MTA3: variants seen among roughly 807,000 people sequenced by gnomAD.
MTA3 encodes metastasis associated 1 family member 3.
In MTA3, 34 loss-of-function variants were observed where a neutral mutation model predicts 83.5. The ratio of observed to expected loss-of-function variants is 0.41; its 90% CI spans 0.31 to 0.54. The LOEUF is 0.54. Ranked by LOEUF, MTA3 falls within the 20% of genes least tolerant of loss-of-function variation. MTA3 has a pLI of 0.33. For missense variants in MTA3, 761 were observed against 726.4 expected (o/e 1.05, Z -0.55); for synonymous variants, 303 against 252.7 (o/e 1.20, Z -1.89).
intron 14 of MTA3, among the ~76,000 whole-genome samples, chr2:42,711,437 C>T (rs931669495): frequency 2.0e-5 from 3 of 152,060 alleles, no homozygotes; most frequent in Admixed American, 1.3e-4. Flanking sequence ...AAAGAGCAGT[C>T]GTCTATCTGG....
At chr2:42,656,987 A>G (rs1164058835) in intron 7 of MTA3, among the ~76,000 whole-genome samples, 1 of 152,230 alleles carries the variant, frequency 6.6e-6, no homozygotes, top group Non-Finnish European at 1.5e-5. Flanking sequence ...ATTTATGTGT[A>G]TACAGAGTAA....
At chr2:42,649,723 CTG>C (rs994433654) in intron 6 of MTA3, among the ~76,000 whole-genome samples, 6 of 152,158 alleles carry the variant, frequency 3.9e-5, no homozygotes, top group African/African-American at 1.2e-4. Flanking sequence ...GCACTTTCCA[CTG>C]TGTTACAACT....
chr2:42,639,679 T>A (rs1687526546), intron 4 of MTA3, among the ~76,000 whole-genome samples: 2 of 152,244 alleles, frequency 1.3e-5, no homozygotes, highest in Admixed American at 6.5e-5. Flanking sequence ...GATGAATTAG[T>A]TATATCCTGA....
In MTA3 at chr2:42,708,983, A is replaced by G. The variant is rs750363210; in HGVS notation, c.1412A>G (p.His471Arg). 1.2e-5 allele frequency: 20 copies of G among 1,613,914 alleles called. No individual in the cohort carries two copies. Among genetic ancestry groups the G allele is most frequent in the South Asian group, 9.9e-5 (9 of 91,094 alleles). The change falls in exon 14 of 17, where the codon CAT (histidine) becomes CGT (arginine). Residue 471 changes from histidine (H) to arginine (R), a missense_variant. Coordinates refer to ENST00000405094, the MANE Select transcript of MTA3 (RefSeq NM_001330442.2). Reference protein sequence around the residue: ...AVKTRQAFFLHTTYFTKFARQ... With the variant: ...AVKTRQAFFLRTTYFTKFARQ... Reference sequence around the variant, plus strand: ...AAGACCCGCCAAGCTTTCTTCCTTCATACTACATATTTCACAAAATTTGCT... The same window carrying G: ...AAGACCCGCCAAGCTTTCTTCCTTCGTACTACATATTTCACAAAATTTGCT...
chr2:42,558,912 T>G (rs77425666), intron 2 of MTA3, among the ~76,000 whole-genome samples: 2,674 of 152,020 alleles, frequency 0.018, 81 homozygotes, highest in African/African-American at 0.062. Context: ...CAGGATTTCT[T>G]GGGGTGGAGC....
intron 2 of MTA3, among the ~76,000 whole-genome samples, chr2:42,542,376 A>G (rs1676559251): frequency 6.6e-6 from 1 of 152,188 alleles, no homozygotes; most frequent in Non-Finnish European, 1.5e-5. Flanking sequence ...TATGTGAAGA[A>G]AAGACTGGTA....
chr2:42,577,287 G>T (rs1679165715), intron 2 of MTA3, among the ~76,000 whole-genome samples: 1 of 151,598 alleles, frequency 6.6e-6, no homozygotes, highest in African/African-American at 2.4e-5. Context: ...TTGTAGAGGG[G>T]AAGAGGAATA....
intron 2 of MTA3, among the ~76,000 whole-genome samples, chr2:42,533,661 G>A (rs1230198633): frequency 4.0e-5 from 6 of 149,436 alleles, no homozygotes; most frequent in East Asian, 2.0e-4. Flanking sequence ...GTGAAACCCC[G>A]TCTCTACTAA....
chr2:42,614,797 A>G (rs1447067134), intron 4 of MTA3, among the ~76,000 whole-genome samples: 1 of 151,982 alleles, frequency 6.6e-6, no homozygotes, highest in Non-Finnish European at 1.5e-5. Flanking sequence ...CAACATTGGG[A>G]CACCCTGTCT....
chr2:42,562,814 T>A (rs1244044752), intron 2 of MTA3, among the ~76,000 whole-genome samples: 3 of 152,120 alleles, frequency 2.0e-5, no homozygotes, highest in African/African-American at 7.2e-5. Context: ...GGCCTTTTCA[T>A]CCAACTGTTT....
At chr2:42,616,867 G>A (rs541524712) in intron 4 of MTA3, among the ~76,000 whole-genome samples, 1 of 152,230 alleles carries the variant, frequency 6.6e-6, no homozygotes, top group South Asian at 2.1e-4. Flanking sequence ...TTACAGGCGT[G>A]AGCCATCGTG....
intron 8 of MTA3, among the ~76,000 whole-genome samples, chr2:42,680,588 C>T (rs992152310): frequency 2.0e-5 from 3 of 152,088 alleles, no homozygotes. Context: ...TTTGCAGCAC[C>T]CATGTGCTAA....
At chr2:42,715,781 C>T (rs1463104517) in intron 14 of MTA3, among the ~76,000 whole-genome samples, 2 of 152,096 alleles carry the variant, frequency 1.3e-5, no homozygotes, top group Non-Finnish European at 2.9e-5. Context: ...TCAATTGCTG[C>T]CATATTGGCA....
rs557522952 is a variant in MTA3, at chr2:42,619,746, A to G, written c.317+10162A>G. 1.3e-3 allele frequency among the ~76,000 whole-genome samples: 195 copies of G among 152,338 alleles called. 1 individual carries two copies. The highest frequency in any genetic ancestry group is 4.5e-3 in the African/African-American group (188 of 41,588). On this transcript the variant is annotated intron_variant, in intron 4 of 16. Coordinates refer to ENST00000405094, the MANE Select transcript of MTA3 (RefSeq NM_001330442.2). Reference sequence around the variant, plus strand: ...ATTTCTTTATGCCCAGATGTCCCCCAAGACTTTTTCCGAGGGTTTATGAAA... The same window carrying G: ...ATTTCTTTATGCCCAGATGTCCCCCGAGACTTTTTCCGAGGGTTTATGAAA...
chr2:42,611,341 C>CACACACACA (rs1462110821), intron 4 of MTA3, among the ~76,000 whole-genome samples: 8,620 of 149,546 alleles, frequency 0.058, 465 homozygotes, highest in African/African-American at 0.14. Context: ...ACACACACAC[C>CACACACACA]CCCTCACACA....
At chr2:42,605,155 G>GAA (rs1196478470) in intron 3 of MTA3, among the ~76,000 whole-genome samples, 1 of 148,526 alleles carries the variant, frequency 6.7e-6, no homozygotes, top group African/African-American at 2.5e-5. Flanking sequence ...TCCCAGTAGG[G>GAA]GCGGCCGGGC....
chr2:42,695,862 CA>C, intron 10 of MTA3, 23 bp downstream of exon 10: 7 of 1,439,234 alleles, frequency 4.9e-6, no homozygotes, highest in South Asian at 1.3e-5. Flanking sequence ...ATATTGCTAC[CA>C]ATATGGTTGC....
chr2:42,496,482 G>A (rs563772648), intron 2 of MTA3, among the ~76,000 whole-genome samples: 5 of 151,932 alleles, frequency 3.3e-5, no homozygotes, highest in African/African-American at 1.2e-4. Context: ...ATTACATCCA[G>A]ATTCTCTCCT....
At chr2:42,642,504 A>G (rs1373317213) in intron 5 of MTA3, among the ~76,000 whole-genome samples, 1 of 152,120 alleles carries the variant, frequency 6.6e-6, no homozygotes, top group African/African-American at 2.4e-5. Context: ...AAAAAAAAAG[A>G]AAAACAAAAT....
Sources: allele counts gnomAD v4.1 joint callset (sites outside exome capture counted in the v4.1 genomes callset), GRCh38; gene constraint gnomAD v4.1.1; transcripts MANE v1.5; gene names NCBI Gene and HGNC (gene_info 2026-07-23, HGNC 2026-07-21).